DPYD: variants seen among roughly 807,000 people sequenced by gnomAD.
The protein encoded by DPYD is dihydropyrimidine dehydrogenase [NADP(+)].
Under a neutral mutation model 116.2 loss-of-function variants are expected in DPYD, and 109 were observed. That is an observed-to-expected ratio of 0.94 (90% CI 0.80 to 1.10). The LOEUF (loss-of-function observed/expected upper bound fraction) is 1.10, where lower values mean the gene tolerates loss of function less well. DPYD is among the 50% of genes least tolerant of loss of function. The probability of loss-of-function intolerance (pLI) is 0.00; values close to 1 mark genes in which losing one functional copy is unlikely to be tolerated. For synonymous variants in DPYD, 440 were observed against 432.0 expected (o/e 1.02, Z -0.23); for missense variants, 1,302 against 1,254.5 (o/e 1.04, Z -0.57).
At chr1:97,339,583 A>G (rs984250727) in intron 16 of DPYD, among the ~76,000 whole-genome samples, 2 of 152,164 alleles carry the variant, frequency 1.3e-5, no homozygotes, top group Non-Finnish European at 2.9e-5. Flanking sequence ...GAATTCAGAA[A>G]ATATGCCACC....
chr1:97,273,010 A>G (rs2100900069), intron 18 of DPYD, among the ~76,000 whole-genome samples: 1 of 152,206 alleles, frequency 6.6e-6, no homozygotes, highest in East Asian at 1.9e-4. Context: ...TTCAACCCTA[A>G]AGTTGCCTAA....
chr1:97,545,693 C>A, intron 12 of DPYD: 1 of 859,426 alleles, frequency 1.2e-6, no homozygotes, highest in Non-Finnish European at 1.9e-6. Context: ...AACTGTGAAA[C>A]TAAAAACTGC....
chr1:97,380,977 A>G (rs1327405914), intron 15 of DPYD, among the ~76,000 whole-genome samples: 1 of 152,160 alleles, frequency 6.6e-6, no homozygotes, highest in African/African-American at 2.4e-5. Flanking sequence ...CCTTCATATG[A>G]TATCTCCTGG....
intron 5 of DPYD, among the ~76,000 whole-genome samples, chr1:97,710,119 A>G (rs1662201446): frequency 6.6e-6 from 1 of 151,840 alleles, no homozygotes; most frequent in South Asian, 2.1e-4. Flanking sequence ...TCATCAGTGT[A>G]GGTCTAAGAT....
chr1:97,208,783 G>T (rs1659841683), intron 19 of DPYD, among the ~76,000 whole-genome samples: 1 of 152,210 alleles, frequency 6.6e-6, no homozygotes, highest in East Asian at 1.9e-4. Flanking sequence ...CTGTCAGAAT[G>T]AACTTTCCAT....
chr1:97,458,705 G>A (rs1021819182), intron 13 of DPYD, among the ~76,000 whole-genome samples: 3 of 152,270 alleles, frequency 2.0e-5, no homozygotes, highest in African/African-American at 4.8e-5. Context: ...CGGGTCATGC[G>A]TCAGTTTCAG....
intron 20 of DPYD, among the ~76,000 whole-genome samples, chr1:97,117,019 C>T (rs1217550899): frequency 6.7e-6 from 1 of 148,910 alleles, no homozygotes; most frequent in Non-Finnish European, 1.5e-5. Flanking sequence ...AAAAAATTAG[C>T]CAGGCATAGT....
At chr1:97,642,699 G>A (rs1455668773) in intron 8 of DPYD, among the ~76,000 whole-genome samples, 1 of 135,108 alleles carries the variant, frequency 7.4e-6, no homozygotes, top group African/African-American at 2.8e-5. Context: ...CATGGACACA[G>A]GAAGGGGAAC....
At chr1:97,675,988 C>A (rs1660124401) in intron 8 of DPYD, among the ~76,000 whole-genome samples, 1 of 152,032 alleles carries the variant, frequency 6.6e-6, no homozygotes, top group Non-Finnish European at 1.5e-5. Flanking sequence ...ACCTCATGAT[C>A]CACCCGCCTC....
chr1:97,194,079 A>G (rs999479183), intron 19 of DPYD, among the ~76,000 whole-genome samples: 1 of 152,208 alleles, frequency 6.6e-6, no homozygotes, highest in Non-Finnish European at 1.5e-5. Flanking sequence ...TTTGGTCACT[A>G]TATTATCTGC....
intron 20 of DPYD, among the ~76,000 whole-genome samples, chr1:97,139,796 T>G (rs1355898975): frequency 6.6e-6 from 1 of 152,150 alleles, no homozygotes; most frequent in Non-Finnish European, 1.5e-5. Context: ...GAGATGTGAT[T>G]CAAATTTACT....
chr1:97,653,571 G>A (rs1024212674), intron 8 of DPYD, among the ~76,000 whole-genome samples: 5 of 152,088 alleles, frequency 3.3e-5, no homozygotes, highest in Non-Finnish European at 7.4e-5. Context: ...CCAAAGTGCT[G>A]GGATTACAGG....
At position 97,891,195 on chromosome 1, in the gene DPYD, G is replaced by C. The variant is rs143930600; in HGVS notation, c.40-7821C>G. Among the ~76,000 whole-genome samples the C allele has an allele frequency of 9.5e-4, 145 of 151,988 alleles. 1 individual carries two copies. In the Middle Eastern group the frequency reaches 0.024, roughly 25 times the overall value. ...AGCAGCTGACAGATAATACAGGAGA[G>C]TTCTAAATTGCATTTTTCCTAAGAA... On this transcript the variant is annotated intron_variant, in intron 1 of 22. Transcript: ENST00000370192.
intron 13 of DPYD, among the ~76,000 whole-genome samples, chr1:97,479,926 C>T (rs1051013612): frequency 6.6e-6 from 1 of 152,158 alleles, no homozygotes; most frequent in African/African-American, 2.4e-5. Context: ...AATTCCCTTG[C>T]AGCTGGGAGA....
intron 19 of DPYD, among the ~76,000 whole-genome samples, chr1:97,208,587 G>C (rs1659824040): frequency 6.6e-6 from 1 of 151,910 alleles, no homozygotes; most frequent in African/African-American, 2.4e-5. Context: ...ACTTCGCCAA[G>C]GGAGCTATAT....
intron 11 of DPYD, among the ~76,000 whole-genome samples, chr1:97,572,287 T>G (rs1652954285): frequency 6.6e-6 from 1 of 151,956 alleles, no homozygotes; most frequent in Non-Finnish European, 1.5e-5. Context: ...AATCTTTTAT[T>G]CTTCATACAT....
chr1:97,816,090 T>C (rs1405847137), intron 3 of DPYD, among the ~76,000 whole-genome samples: 3 of 151,848 alleles, frequency 2.0e-5, no homozygotes, highest in Non-Finnish European at 4.4e-5. Context: ...AGATGGATTC[T>C]CACTACATTG....
intron 6 of DPYD, among the ~76,000 whole-genome samples, chr1:97,697,533 C>T (rs1002492451): frequency 1.3e-5 from 2 of 151,954 alleles, no homozygotes; most frequent in Non-Finnish European, 2.9e-5. Flanking sequence ...ACACAGAATG[C>T]CTGTACCATG....
intron 8 of DPYD, among the ~76,000 whole-genome samples, chr1:97,671,628 T>C (rs578069907): frequency 6.8e-4 from 103 of 152,268 alleles, no homozygotes; most frequent in African/African-American, 2.3e-3. Context: ...TTCCATTGTT[T>C]CTTTTTTTTC....
Sources: gnomAD v4.1 joint callset for allele counts (sites outside exome capture counted in the v4.1 genomes callset) on GRCh38, gnomAD v4.1.1 for gene constraint, MANE v1.5 for transcripts, NCBI Gene and HGNC (gene_info 2026-07-23, HGNC 2026-07-21) for gene names.